NUP98: variants seen among roughly 807,000 people sequenced by gnomAD.
NUP98 encodes the protein nuclear pore complex protein Nup98-Nup96.
A neutral mutation model predicts 191.9 loss-of-function variants in NUP98; 26 were observed. The ratio of observed to expected loss-of-function variants is 0.14; its 90% CI spans 0.10 to 0.19. The LOEUF (loss-of-function observed/expected upper bound fraction) is 0.19. Ranked by LOEUF, NUP98 falls within the 10% of genes least tolerant of loss-of-function variation. The probability of loss-of-function intolerance (pLI) is 1.00; values close to 1 mark genes in which losing one functional copy is unlikely to be tolerated. For missense variants in NUP98, 1,941 were observed against 2,178.8 expected, an observed-to-expected ratio of 0.89 and a Z score of 2.17; for synonymous variants, 808 against 778.4, an observed-to-expected ratio of 1.04 and a Z score of -0.63.
In NUP98 at chr11:3,699,219, C is replaced by T. The variant is rs1313924223; in HGVS notation, c.3872G>A (p.Arg1291His). The T allele has an allele frequency of 1.1e-5, 17 of 1,613,972 alleles. No individual in the cohort carries two copies. Among genetic ancestry groups the T allele is most frequent in the Middle Eastern group, 1.6e-4 (1 of 6,074 alleles). The part of the protein sequence containing the change: ...QILERRRAFS[R>H]WLSCTATPQI... The stretch of plus-strand genomic sequence containing the variant: ...AGGTGTGGCAGTACAGGATAGCCAG[C>T]GGGAGAAAGCTCTTCTTCGCTCCAG... The change falls in exon 25 of 33, where the codon CGC (arginine) becomes CAC (histidine). Residue 1291 changes from arginine to histidine, a missense_variant. Arg to His is a conservative substitution (Grantham distance 29). Transcript: ENST00000324932.
In NUP98 at chr11:3,693,080, T is replaced by G. The variant is rs1283680242; in HGVS notation, c.4311+152A>C. ...AGTCAACTGTGGAATCTCATGATAT[T>G]TAATAAAATAAAAACAGACACTTGG... On this transcript the variant is annotated intron_variant, in intron 27 of 32. Coordinates refer to ENST00000324932, the MANE Select transcript of NUP98 (RefSeq NM_016320.5). 4.2e-6 allele frequency: 3 copies of G among 713,792 alleles called. No individual in the cohort carries two copies. The Admixed American group carries it at 7.5e-5, about 18-fold the overall frequency. The allele number at this position is 713,792 out of a possible 1,614,324, so 44.2% of individuals were successfully genotyped here.
Position 3,753,885 on chromosome 11 carries a change from G to T in NUP98, c.1175-477C>A, listed in dbSNP as rs192288432. On this transcript the variant is annotated intron_variant, in intron 10 of 32. Coordinates refer to ENST00000324932, the MANE Select transcript of NUP98 (RefSeq NM_016320.5). ...ACCCAGGAGGCAAAGGTTGCAGTGAGCCTAGATTGCGCCACTGCACTCCAG... is the reference window on the plus strand; with the variant it reads ...ACCCAGGAGGCAAAGGTTGCAGTGATCCTAGATTGCGCCACTGCACTCCAG... Among the ~76,000 whole-genome samples the T allele has an allele frequency of 8.7e-5, 13 of 150,122 alleles. No individual in the cohort carries two copies. In the East Asian group the frequency reaches 2.5e-3, roughly 29 times the overall value.
At chr11:3,741,144 T>C (rs973205558) in intron 12 of NUP98, among the ~76,000 whole-genome samples, 8 of 151,554 alleles carry the variant, frequency 5.3e-5, no homozygotes, top group African/African-American at 1.9e-4. Flanking sequence ...TAAATGGGAA[T>C]GAAAAGGACC....
At chr11:3,749,307 T>C (rs1375168224) in intron 11 of NUP98, among the ~76,000 whole-genome samples, 3 of 139,360 alleles carry the variant, frequency 2.2e-5, no homozygotes, top group Admixed American at 1.5e-4. Flanking sequence ...AGAGCGAGAC[T>C]CCGTCTCAAA....
At chr11:3,688,603 T>C (rs1036473248) in intron 28 of NUP98, among the ~76,000 whole-genome samples, 22 of 151,030 alleles carry the variant, frequency 1.5e-4, no homozygotes, top group African/African-American at 5.1e-4. Flanking sequence ...GAGACCAGCC[T>C]GGCCAACGTG....
chr11:3,723,503 C>T, intron 15 of NUP98, 48 bp from the exon 16 acceptor site: 1 of 1,497,080 alleles, frequency 6.7e-7, no homozygotes. Context: ...GTAGTAATAA[C>T]AATGATAATA....
chr11:3,752,962 C>T (rs1417322537), intron 11 of NUP98, among the ~76,000 whole-genome samples: 5 of 152,146 alleles, frequency 3.3e-5, no homozygotes, highest in Non-Finnish European at 7.4e-5. Context: ...TCTATTAGGG[C>T]TTACTTTGAT....
intron 2 of NUP98, among the ~76,000 whole-genome samples, chr11:3,780,880 G>C (rs1169357423): frequency 6.6e-6 from 1 of 152,144 alleles, no homozygotes; most frequent in East Asian, 1.9e-4. Context: ...AGGAGTTTGA[G>C]ACCACCCTGG....
intron 20 of NUP98, among the ~76,000 whole-genome samples, chr11:3,708,429 G>C (rs192941190): frequency 6.6e-6 from 1 of 152,216 alleles, no homozygotes; most frequent in East Asian, 1.9e-4. Context: ...CCAGATTAGA[G>C]ACCTAAGGGA....
chr11:3,757,791 C>A (rs1193133376), intron 10 of NUP98, among the ~76,000 whole-genome samples: 1 of 151,968 alleles, frequency 6.6e-6, no homozygotes, highest in Non-Finnish European at 1.5e-5. Flanking sequence ...AAGAGCGAAA[C>A]TCCGTCTCAA....
At chr11:3,706,704 T>C (rs1336482094) in intron 20 of NUP98, 77 bp from the exon 21 acceptor site, 1 of 1,322,066 alleles carries the variant, frequency 7.6e-7, no homozygotes, top group Non-Finnish European at 1.1e-6. Flanking sequence ...AGATTTACTT[T>C]ATTCAGAATA....
In NUP98 at chr11:3,762,974, G is replaced by A. The variant is rs1373041884; in HGVS notation, c.1014C>T (p.Ser338=). The part of the protein sequence containing the change: ...GGLFGTATNT[S]TGTAFGTGTG... ...TTCCTGTTCCAAATGCTGTCCCAGT[G>A]CTGGTGTTTGTAGCTGTCCCAAAAA... The change falls in exon 9 of 33, where the codon AGC becomes AGT. Residue 338 remains serine, a synonymous_variant. Coordinates refer to ENST00000324932, the MANE Select transcript of NUP98 (RefSeq NM_016320.5). The A allele has an allele frequency of 6.2e-7, 1 of 1,614,102 alleles. No individual in the cohort carries two copies. The highest frequency in any genetic ancestry group is 1.7e-5 in the Admixed American group (1 of 59,998).
intron 3 of NUP98, 35 bp from the exon 4 acceptor site, chr11:3,779,084 A>G: frequency 6.2e-7 from 1 of 1,613,752 alleles, no homozygotes; most frequent in Non-Finnish European, 8.5e-7. Context: ...AAAGTTAAGT[A>G]CATCAGAGCC....
chr11:3,791,672 GT>G (rs1359097531), intron 1 of NUP98, among the ~76,000 whole-genome samples: 1 of 150,376 alleles, frequency 6.6e-6, no homozygotes, highest in Non-Finnish European at 1.5e-5. Flanking sequence ...ATGAAACCCT[GT>G]CTCTGCTAAA....
At chr11:3,788,132 TA>T (rs1042172788) in intron 1 of NUP98, among the ~76,000 whole-genome samples, 2 of 152,074 alleles carry the variant, frequency 1.3e-5, no homozygotes, top group African/African-American at 4.8e-5. Context: ...CTGCTCTGGG[TA>T]AAAAAAATGT....
At chr11:3,760,240 C>T (rs2081120697) in intron 10 of NUP98, 1 of 408,640 alleles carries the variant, frequency 2.4e-6, no homozygotes, top group South Asian at 4.6e-5. Flanking sequence ...TGTTACTTAA[C>T]CAAATGTGTT....
At chr11:3,691,276 A>G (rs1425435005) in intron 28 of NUP98, 71 bp downstream of exon 28, 1 of 1,557,800 alleles carries the variant, frequency 6.4e-7, no homozygotes, top group Non-Finnish European at 8.8e-7. Flanking sequence ...TAAAAGGGAA[A>G]GGACGCAGCA....
In NUP98 at chr11:3,675,114, A is replaced by G. The variant is rs544693097; in HGVS notation, c.*1045T>C. 47 of 185,632 alleles carry G rather than the reference A, an allele frequency of 2.5e-4. No individual in the cohort carries two copies. Among genetic ancestry groups the G allele is most frequent in the African/African-American group, 1.0e-3 (44 of 42,724 alleles). The allele number at this position is 185,632 out of a possible 1,614,324, so 11.5% of individuals were successfully genotyped here. A position where few individuals can be genotyped will look rare whatever the true frequency, so the allele number is the denominator to read the frequency against. On this transcript the variant is annotated 3_prime_UTR_variant, in exon 33 of 33. Coordinates refer to ENST00000324932, the MANE Select transcript of NUP98 (RefSeq NM_016320.5). ...TTTATACATATATATATTTTTTAAT[A>G]AAAACCTTTACATTATCTTCATGCA...
chr11:3,746,856 T>C (rs2080523767), intron 11 of NUP98, among the ~76,000 whole-genome samples: 1 of 147,396 alleles, frequency 6.8e-6, no homozygotes. Flanking sequence ...GAGGTTGCAG[T>C]GAGCCGAGAT....
Sources: allele counts gnomAD v4.1 joint callset (sites outside exome capture counted in the v4.1 genomes callset), GRCh38; gene constraint gnomAD v4.1.1; transcripts MANE v1.5; gene names NCBI Gene and HGNC (gene_info 2026-07-23, HGNC 2026-07-21).